The following OSBPL5 variants were observed in gnomAD, a reference collection of about 807,000 sequenced individuals.
OSBPL5 encodes the protein oxysterol binding protein like 5, also known as oxysterol-binding protein-related protein 5.
OSBPL5 carries 71 observed loss-of-function variants against 111.2 expected under a neutral mutation model. That is an observed-to-expected ratio of 0.64 (90% CI 0.53 to 0.78). The LOEUF is 0.78. OSBPL5 is among the 30% of genes least tolerant of loss of function. The probability of loss-of-function intolerance (pLI) is 0.00; values close to 1 mark genes in which losing one functional copy is unlikely to be tolerated. For missense variants in OSBPL5, 1,210 were observed against 1,189.3 expected (o/e 1.02, Z -0.26); for synonymous variants, 549 against 513.9 (o/e 1.07, Z -0.93).
chr11:3,133,789 G>A (rs183101997), intron 1 of OSBPL5, among the ~76,000 whole-genome samples: 2 of 152,366 alleles, frequency 1.3e-5, no homozygotes, highest in East Asian at 3.9e-4. Context: ...AGGAGCCCCA[G>A]AGTGCCCCTC....
chr11:3,121,579 A>T lies in OSBPL5; in HGVS notation c.402+418T>A, dbSNP rs1467603068. Among the ~76,000 whole-genome samples, 2 of 152,132 alleles carry T rather than the reference A, an allele frequency of 1.3e-5. No homozygotes were observed. The highest frequency in any genetic ancestry group is 4.8e-5 in the African/African-American group (2 of 41,416). On this transcript the variant is annotated intron_variant, in intron 5 of 21. Coordinates refer to ENST00000263650, the MANE Select transcript of OSBPL5 (RefSeq NM_020896.4). The surrounding 1 kb of genome is among the most constrained non-coding windows in gnomAD (Gnocchi z 4.3). ...CTCCACTGTACACAAGGGGAAATGG[A>T]GGCTCAGAGGCGAGTGAATGGCCAC...
intron 14 of OSBPL5, among the ~76,000 whole-genome samples, chr11:3,097,072 T>C (rs897711265): frequency 0.012 from 47 of 3,936 alleles, 2 homozygotes; most frequent in African/African-American, 0.017. Context: ...AGGGGGAAGA[T>C]GGAAGGAGGA....
chr11:3,104,055 G>A lies in OSBPL5; in HGVS notation c.1244+138C>T. The A allele has an allele frequency of 9.0e-7, 1 of 1,105,738 alleles. No individual in the cohort carries two copies. The highest frequency in any genetic ancestry group is 1.6e-5 in the South Asian group (1 of 61,598). 68.5% of individuals were successfully genotyped at this position (1,105,738 alleles called of 1,614,324 possible). On this transcript the variant is annotated intron_variant, in intron 10 of 21. Transcript: ENST00000263650. This position sits in a 1 kb window ranked among gnomAD's most constrained non-coding sequence, Gnocchi z 5.0. Reference sequence around the variant, plus strand: ...AGACAGGGCCCCCTGGGAGGCTACAGCTGCAGAAACAGTGGGCTGAGATCA... The same window carrying A: ...AGACAGGGCCCCCTGGGAGGCTACAACTGCAGAAACAGTGGGCTGAGATCA...
At chr11:3,103,675 CCAGTCT>C in intron 10 of OSBPL5, among the ~76,000 whole-genome samples, 1 of 149,842 alleles carries the variant, frequency 6.7e-6, no homozygotes, top group Non-Finnish European at 1.5e-5. Flanking sequence ...TTGCCCCCTT[CCAGTCT>C]CTGCAGCCCC....
intron 1 of OSBPL5, among the ~76,000 whole-genome samples, chr11:3,144,533 G>A (rs376893597): frequency 3.3e-5 from 5 of 152,200 alleles, no homozygotes; most frequent in Admixed American, 2.0e-4. Context: ...AGGGGAGTGC[G>A]GGCTGGGCCT....
At chr11:3,094,364 C>A (rs772571102) in intron 14 of OSBPL5, 30 bp from the exon 15 acceptor site, 3 of 1,583,370 alleles carry the variant, frequency 1.9e-6, no homozygotes, top group Non-Finnish European at 8.7e-7. Context: ...AGGGGCCAGG[C>A]GGCCCCAGCC....
chr11:3,090,732 C>T, intron 19 of OSBPL5, 36 bp from the exon 20 acceptor site: 1 of 1,581,684 alleles, frequency 6.3e-7, no homozygotes, highest in South Asian at 1.1e-5. Context: ...CTGAAAGCCA[C>T]CCACGCCCCC....
intron 1 of OSBPL5, among the ~76,000 whole-genome samples, chr11:3,164,924 A>G (rs892643634): frequency 6.7e-6 from 1 of 149,916 alleles, no homozygotes; most frequent in African/African-American, 2.5e-5. Context: ...GCCGCTTCCC[A>G]CTCGCGGGCC....
chr11:3,093,568 GTGC>G lies in OSBPL5; in HGVS notation c.1902_1904del (p.Gln634del). ...CCGTCTGCTCCTCCAGCGGCACCGT[GTGC>G]TGCCTCAGCCTCTGTCTGCGGACCT... On this transcript the variant is annotated inframe_deletion, in exon 17 of 22. Coordinates refer to ENST00000263650, the MANE Select transcript of OSBPL5 (RefSeq NM_020896.4). 1 of 1,611,986 alleles carries G rather than the reference GTGC, an allele frequency of 6.2e-7. No individual in the cohort carries two copies. Among genetic ancestry groups the G allele is most frequent in the Non-Finnish European group, 8.5e-7 (1 of 1,179,958 alleles).
chr11:3,100,355 G>T, intron 13 of OSBPL5, 99 bp from the exon 14 acceptor site: 1 of 991,444 alleles, frequency 1.0e-6, no homozygotes, highest in Non-Finnish European at 1.6e-6. Flanking sequence ...TCCAACAGCT[G>T]AACACGCTCC....
At chr11:3,133,055 C>T (rs1242646625) in intron 1 of OSBPL5, among the ~76,000 whole-genome samples, 1 of 152,200 alleles carries the variant, frequency 6.6e-6, no homozygotes, top group Non-Finnish European at 1.5e-5. Context: ...GCAGGGTCCT[C>T]AGAGAGGTGA....
At chr11:3,143,952 G>T (rs1158493776) in intron 1 of OSBPL5, among the ~76,000 whole-genome samples, 1 of 152,220 alleles carries the variant, frequency 6.6e-6, no homozygotes, top group Non-Finnish European at 1.5e-5. Context: ...TGGGAGCTAT[G>T]GGGTGGACAC....
rs1262659735 is a variant in OSBPL5 at position 3,161,728 on chromosome 11, AAC to A, written c.-22+3486_-22+3487del. Among the ~76,000 whole-genome samples the A allele has an allele frequency of 2.6e-5, 4 of 152,170 alleles. No homozygotes were observed. Among genetic ancestry groups the A allele is most frequent in the South Asian group, 2.1e-4 (1 of 4,824 alleles). On this transcript the variant is annotated intron_variant, in intron 1 of 21. Coordinates refer to ENST00000263650, the MANE Select transcript of OSBPL5 (RefSeq NM_020896.4). The surrounding 1 kb of genome is among the most constrained non-coding windows in gnomAD (Gnocchi z 8.0). ...CCATAGGAAGCCATTCAATTAAACA[AAC>A]ATGACCATTTCAGTATAAATAAAGA...
intron 1 of OSBPL5, among the ~76,000 whole-genome samples, chr11:3,144,821 C>T (rs976630755): frequency 6.6e-6 from 1 of 152,266 alleles, no homozygotes; most frequent in African/African-American, 2.4e-5. Context: ...CAGGGCAGCT[C>T]ATTCCCCAGG....
chr11:3,145,245 C>A (rs915791067), intron 1 of OSBPL5, among the ~76,000 whole-genome samples: 1 of 152,168 alleles, frequency 6.6e-6, no homozygotes, highest in Non-Finnish European at 1.5e-5. Flanking sequence ...CCCGTCAGCC[C>A]CTTGATGAAC....
chr11:3,105,791 C>G lies in OSBPL5; in HGVS notation c.1060-1414G>C, dbSNP rs1245944848. 2.0e-5 allele frequency among the ~76,000 whole-genome samples: 3 copies of G among 152,194 alleles called. No individual in the cohort carries two copies. The highest frequency in any genetic ancestry group is 4.4e-5 in the Non-Finnish European group (3 of 68,028). ...CCCGCTCCATGCCCTCTGCCCGGAG[C>G]CCCAGGCTCGCACCTGCAGCAGCCC... On this transcript the variant is annotated intron_variant, in intron 9 of 21. Transcript: ENST00000263650. This position sits in a 1 kb window ranked among gnomAD's most constrained non-coding sequence, Gnocchi z 5.2.
chr11:3,107,163 C>T lies in OSBPL5; in HGVS notation c.1059+100G>A, dbSNP rs1204573499. ...GGGGACAAAAGCTACCCCCTGGGCC[C>T]TGCGTGCTCCCCCTAGGATGAGGCA... On this transcript the variant is annotated intron_variant, in intron 9 of 21. Transcript: ENST00000263650. The surrounding 1 kb of genome is among the most constrained non-coding windows in gnomAD (Gnocchi z 6.1). 2 of 1,368,338 alleles carry T rather than the reference C, an allele frequency of 1.5e-6. No individual in the cohort carries two copies. The highest frequency in any genetic ancestry group is 2.0e-6 in the Non-Finnish European group (2 of 1,010,538). 84.8% of individuals were successfully genotyped at this position (1,368,338 alleles called of 1,614,324 possible).
intron 3 of OSBPL5, among the ~76,000 whole-genome samples, chr11:3,124,901 G>T (rs1041265957): frequency 1.3e-5 from 2 of 152,184 alleles, no homozygotes; most frequent in African/African-American, 4.8e-5. Context: ...GCTGAATGGG[G>T]CTGTGTGTAT....
At chr11:3,102,371 T>C in intron 11 of OSBPL5, 90 bp from the exon 12 acceptor site, 1 of 1,226,260 alleles carries the variant, frequency 8.2e-7, no homozygotes, top group East Asian at 2.6e-5. Context: ...AGGGGCAGCG[T>C]GGGTGGGCTA....
Sources: gnomAD v4.1 joint callset for allele counts (sites outside exome capture counted in the v4.1 genomes callset) on GRCh38, gnomAD v4.1.1 for gene constraint, Gnocchi (gnomAD v3.1) non-coding constraint, MANE v1.5 for transcripts, NCBI Gene and HGNC (gene_info 2026-07-23, HGNC 2026-07-21) for gene names.